The following DDX10 variants were observed in gnomAD, a reference collection of about 807,000 sequenced individuals.
DDX10 encodes the protein DEAD-box helicase 10, also known as probable ATP-dependent RNA helicase DDX10.
Under a neutral mutation model 104.3 loss-of-function variants are expected in DDX10, and 74 were observed. The ratio of observed to expected loss-of-function variants is 0.71; its 90% CI spans 0.59 to 0.86. The LOEUF is 0.86. Among genes scored for constraint, DDX10 ranks in the 40% least tolerant of loss-of-function variants. The pLI, the probability that DDX10 is intolerant of heterozygous loss-of-function variation, is 0.00. For missense variants in DDX10, 952 were observed against 1,040.0 expected (o/e 0.92, Z 1.16); for synonymous variants, 351 against 353.4 (o/e 0.99, Z 0.08).
chr11:108,768,575 G>A (rs1204496765), intron 13 of DDX10, among the ~76,000 whole-genome samples: 6 of 152,116 alleles, frequency 3.9e-5, no homozygotes, highest in African/African-American at 7.2e-5. Flanking sequence ...TTGCGGCCTG[G>A]TTATCTTAAG....
At chr11:108,729,947 A>C (rs1445393020) in intron 13 of DDX10, 1 of 153,668 alleles carries the variant, frequency 6.5e-6, no homozygotes, top group Admixed American at 6.5e-5. Flanking sequence ...ATTCTTCTAA[A>C]GTTTGTTTTT....
chr11:108,830,046 A>C (rs2615735), intron 13 of DDX10, among the ~76,000 whole-genome samples: 135,673 of 152,212 alleles, frequency 0.89, 60,711 homozygotes, highest in East Asian at 0.99. Flanking sequence ...GCCACACAGG[A>C]TCGTTTTTGG....
chr11:108,796,706 A>T, intron 13 of DDX10, among the ~76,000 whole-genome samples: 1 of 152,130 alleles, frequency 6.6e-6, no homozygotes, highest in East Asian at 1.9e-4. Flanking sequence ...TATTGTTTGA[A>T]TGTGTCCTCC....
chr11:108,890,677 A>C (rs1407916739), intron 16 of DDX10, among the ~76,000 whole-genome samples: 1 of 152,122 alleles, frequency 6.6e-6, no homozygotes, highest in Non-Finnish European at 1.5e-5. Context: ...CTTACCCTAC[A>C]ATCCTGCCAG....
intron 13 of DDX10, among the ~76,000 whole-genome samples, chr11:108,810,965 C>G (rs1862171475): frequency 2.0e-5 from 3 of 152,122 alleles, no homozygotes; most frequent in Admixed American, 6.5e-5. Flanking sequence ...TCTCATAGTA[C>G]TTAAACATTC....
chr11:108,665,419 G>A (rs1223516196), intron 1 of DDX10, 80 bp downstream of exon 1: 6 of 1,439,930 alleles, frequency 4.2e-6, no homozygotes, highest in Non-Finnish European at 5.5e-6. Flanking sequence ...TTGCAGAGTG[G>A]AGGCGGCGGA....
chr11:108,858,003 C>G (rs1862893180), intron 16 of DDX10, among the ~76,000 whole-genome samples: 1 of 152,064 alleles, frequency 6.6e-6, no homozygotes, highest in Non-Finnish European at 1.5e-5. Flanking sequence ...CTATTAGTTA[C>G]TATAAAATCT....
At chr11:108,901,798 T>C (rs1251649571) in intron 16 of DDX10, among the ~76,000 whole-genome samples, 1 of 152,210 alleles carries the variant, frequency 6.6e-6, no homozygotes, top group Non-Finnish European at 1.5e-5. Flanking sequence ...CAAAATGTTT[T>C]ACCACCTATC....
At chr11:108,766,732 T>C (rs1055443572) in intron 13 of DDX10, among the ~76,000 whole-genome samples, 6 of 152,220 alleles carry the variant, frequency 3.9e-5, no homozygotes, top group Non-Finnish European at 8.8e-5. Context: ...GGAAGGGTCA[T>C]CTATTTCATC....
intron 13 of DDX10, among the ~76,000 whole-genome samples, chr11:108,802,941 A>G (rs919220848): frequency 6.6e-6 from 1 of 152,354 alleles, no homozygotes; most frequent in African/African-American, 2.4e-5. Flanking sequence ...AATCTATAAA[A>G]CTAAATGTTT....
At chr11:108,804,765 T>A (rs2726875) in intron 13 of DDX10, among the ~76,000 whole-genome samples, 20,247 of 152,158 alleles carry the variant, frequency 0.13, 1,647 homozygotes, top group East Asian at 0.27. Context: ...GACCGAAGCC[T>A]TCACTTTTTG....
intron 13 of DDX10, among the ~76,000 whole-genome samples, chr11:108,743,206 G>A (rs2094327416): frequency 2.6e-5 from 4 of 152,112 alleles, no homozygotes. Flanking sequence ...TTATCCCTGG[G>A]ATACAAGGTT....
At chr11:108,790,967 G>T (rs533381105) in intron 13 of DDX10, among the ~76,000 whole-genome samples, 2 of 152,342 alleles carry the variant, frequency 1.3e-5, no homozygotes, top group African/African-American at 4.8e-5. Context: ...TACTAAGATA[G>T]CGAGAAAAAT....
intron 16 of DDX10, among the ~76,000 whole-genome samples, chr11:108,880,022 G>A (rs976175618): frequency 6.6e-6 from 1 of 152,126 alleles, no homozygotes; most frequent in Non-Finnish European, 1.5e-5. Context: ...CACTCCATTT[G>A]ACAAAATACT....
intron 13 of DDX10, among the ~76,000 whole-genome samples, chr11:108,773,196 C>A (rs34043774): frequency 0.027 from 4,098 of 152,224 alleles, 175 homozygotes; most frequent in African/African-American, 0.091. Flanking sequence ...TATGAACTTA[C>A]GATACTGGCA....
chr11:108,719,383 A>G (rs777958220), intron 11 of DDX10, among the ~76,000 whole-genome samples: 7 of 152,296 alleles, frequency 4.6e-5, no homozygotes, highest in Non-Finnish European at 1.0e-4. Flanking sequence ...TCTAAGTAGA[A>G]GGTAATGTAT....
At chr11:108,786,538 G>A (rs1373490985) in intron 13 of DDX10, among the ~76,000 whole-genome samples, 1 of 151,784 alleles carries the variant, frequency 6.6e-6, no homozygotes, top group Non-Finnish European at 1.5e-5. Flanking sequence ...GGGTGCTCCA[G>A]TGTTGGGTGT....
intron 16 of DDX10, among the ~76,000 whole-genome samples, chr11:108,889,981 G>A (rs549602949): frequency 6.6e-6 from 1 of 152,288 alleles, no homozygotes; most frequent in South Asian, 2.1e-4. Flanking sequence ...AAAAATGTGT[G>A]TTGAATATCC....
At chr11:108,908,355 C>T (rs1591120631) in intron 16 of DDX10, among the ~76,000 whole-genome samples, 6 of 152,070 alleles carry the variant, frequency 3.9e-5, no homozygotes, top group Non-Finnish European at 7.4e-5. Context: ...CATTCCTTGT[C>T]GGAATCAAAA....
Sources: gnomAD v4.1 joint callset for allele counts (sites outside exome capture counted in the v4.1 genomes callset) on GRCh38, gnomAD v4.1.1 for gene constraint, MANE v1.5 for transcripts, NCBI Gene and HGNC (gene_info 2026-07-23, HGNC 2026-07-21) for gene names.